GXYLT2: variants seen among roughly 807,000 people sequenced by gnomAD.
GXYLT2 encodes the protein glucoside xylosyltransferase 2.
GXYLT2 carries 53 observed loss-of-function variants against 45.8 expected under a neutral mutation model. The ratio of observed to expected loss-of-function variants is 1.16; its 90% CI spans 0.93 to 1.46. GXYLT2 has a LOEUF of 1.46. Among genes scored for constraint, GXYLT2 ranks in the 40% most tolerant of loss-of-function variants. GXYLT2 has a pLI of 0.00. For synonymous variants in GXYLT2, 219 were observed against 214.2 expected (o/e 1.02, Z -0.19); for missense variants, 551 against 544.4 (o/e 1.01, Z -0.12).
intron 1 of GXYLT2, among the ~76,000 whole-genome samples, chr3:72,904,251 C>T (rs920935941): frequency 6.6e-6 from 1 of 152,266 alleles, no homozygotes; most frequent in Non-Finnish European, 1.5e-5. Flanking sequence ...CTAGACTGCA[C>T]TCCTCCCCTG....
intron 2 of GXYLT2, among the ~76,000 whole-genome samples, chr3:72,916,733 G>A (rs1479060295): frequency 3.3e-5 from 5 of 151,604 alleles, no homozygotes; most frequent in Non-Finnish European, 1.5e-5. Context: ...AGAGACGGGG[G>A]TTTCACCATG....
At chr3:72,899,980 C>G (rs374159018) in intron 1 of GXYLT2, among the ~76,000 whole-genome samples, 18 of 152,304 alleles carry the variant, frequency 1.2e-4, no homozygotes, top group African/African-American at 3.8e-4. Context: ...ATCCAACTTA[C>G]CCTGCTAGTC....
chr3:72,903,039 A>G (rs1410240310), intron 1 of GXYLT2, among the ~76,000 whole-genome samples: 2 of 151,914 alleles, frequency 1.3e-5, no homozygotes, highest in East Asian at 3.9e-4. Flanking sequence ...AAAAAATAAT[A>G]GGAAAATATT....
At chr3:72,918,612 C>T (rs927630378) in intron 2 of GXYLT2, among the ~76,000 whole-genome samples, 1 of 151,972 alleles carries the variant, frequency 6.6e-6, no homozygotes, top group Non-Finnish European at 1.5e-5. Context: ...ATTGCCTGAG[C>T]TCAGGAGTTC....
chr3:72,907,964 C>T (rs1266754203), intron 1 of GXYLT2: 2 of 162,290 alleles, frequency 1.2e-5, no homozygotes, highest in African/African-American at 4.8e-5. Context: ...CCACAACCCA[C>T]ACTCCTCTTG....
chr3:72,946,088 G>A (rs1347545471), intron 3 of GXYLT2, among the ~76,000 whole-genome samples: 2 of 151,818 alleles, frequency 1.3e-5, no homozygotes, highest in East Asian at 3.9e-4. Flanking sequence ...ATCAATCCGG[G>A]CAACATAGCG....
chr3:72,945,278 A>T (rs1256257622), intron 3 of GXYLT2, among the ~76,000 whole-genome samples: 2 of 143,506 alleles, frequency 1.4e-5, no homozygotes, highest in African/African-American at 5.2e-5. Context: ...ACTGAGCAAG[A>T]CTCCATCTCA....
chr3:72,972,713 A>AAGAAAAAT (rs1374154173), intron 6 of GXYLT2, among the ~76,000 whole-genome samples: 1 of 150,946 alleles, frequency 6.6e-6, no homozygotes, highest in Non-Finnish European at 1.5e-5. Context: ...GAGAAAAAGA[A>AAGAAAAAT]AGAAAAATTC....
At chr3:72,905,085 A>AGG (rs1709486245) in intron 1 of GXYLT2, among the ~76,000 whole-genome samples, 3 of 147,844 alleles carry the variant, frequency 2.0e-5, no homozygotes, top group African/African-American at 7.8e-5. Flanking sequence ...AAAAAAAAAA[A>AGG]AAAGGAAAGA....
intron 3 of GXYLT2, among the ~76,000 whole-genome samples, chr3:72,933,678 A>G (rs1710120522): frequency 1.3e-5 from 2 of 152,140 alleles, no homozygotes; most frequent in South Asian, 4.1e-4. Context: ...GAAGGCCAAG[A>G]TGGGAAGATG....
chr3:72,903,099 T>C (rs1358879477), intron 1 of GXYLT2, among the ~76,000 whole-genome samples: 4 of 152,216 alleles, frequency 2.6e-5, no homozygotes, highest in African/African-American at 4.8e-5. Context: ...TTGGTGTTGT[T>C]GAAAAAGCAC....
chr3:72,897,776 T>C (rs1559725052), intron 1 of GXYLT2, among the ~76,000 whole-genome samples: 1 of 152,208 alleles, frequency 6.6e-6, no homozygotes, highest in Non-Finnish European at 1.5e-5. Flanking sequence ...GCCTAGAATT[T>C]GAAGCCAGGT....
At chr3:72,942,023 G>T (rs538712249) in intron 3 of GXYLT2, among the ~76,000 whole-genome samples, 39 of 152,156 alleles carry the variant, frequency 2.6e-4, no homozygotes, top group African/African-American at 8.7e-4. Flanking sequence ...AATGCAAGAT[G>T]CCCCTGGAGT....
At chr3:72,913,039 T>G (rs532076008) in intron 2 of GXYLT2, among the ~76,000 whole-genome samples, 30 of 150,872 alleles carry the variant, frequency 2.0e-4, no homozygotes, top group African/African-American at 6.8e-4. Flanking sequence ...TTTTTTGTTT[T>G]TTTTTTTGTT....
chr3:72,898,049 A>G (rs1408908276), intron 1 of GXYLT2, among the ~76,000 whole-genome samples: 1 of 152,250 alleles, frequency 6.6e-6, no homozygotes, highest in East Asian at 1.9e-4. Flanking sequence ...CAGTATACCA[A>G]AATTTTAACA....
At chr3:72,910,771 C>T (rs979118053) in intron 2 of GXYLT2, among the ~76,000 whole-genome samples, 1 of 152,224 alleles carries the variant, frequency 6.6e-6, no homozygotes, top group African/African-American at 2.4e-5. Context: ...GGCAGTGACA[C>T]AGGTCTTTCC....
At chr3:72,945,675 T>C (rs1710390181) in intron 3 of GXYLT2, among the ~76,000 whole-genome samples, 1 of 152,190 alleles carries the variant, frequency 6.6e-6, no homozygotes, top group Admixed American at 6.5e-5. Flanking sequence ...GTGCTCTGCC[T>C]GGCATTTGGG....
At chr3:72,972,593 A>T (rs929526186) in intron 6 of GXYLT2, among the ~76,000 whole-genome samples, 7 of 145,226 alleles carry the variant, frequency 4.8e-5, no homozygotes, top group African/African-American at 1.5e-4. Flanking sequence ...GTGAGCCAAG[A>T]TCGCACCACT....
At chr3:72,925,011 A>G (rs191383070) in intron 3 of GXYLT2, among the ~76,000 whole-genome samples, 2 of 152,202 alleles carry the variant, frequency 1.3e-5, no homozygotes, top group East Asian at 1.9e-4. Flanking sequence ...CGTCACATCT[A>G]TCGGTCTGGA....
Sources: gnomAD v4.1 joint callset for allele counts (sites outside exome capture counted in the v4.1 genomes callset) on GRCh38, gnomAD v4.1.1 for gene constraint, MANE v1.5 for transcripts, NCBI Gene and HGNC (gene_info 2026-07-23, HGNC 2026-07-21) for gene names.